Variants in DYSF observed in about 807,000 individuals in gnomAD.
The protein encoded by DYSF is dysferlin, also known as dystrophy-associated fer-1-like 1.
A neutral mutation model predicts 274.9 loss-of-function variants in DYSF; 212 were observed. The observed-to-expected ratio is 0.77, with a 90% CI of 0.69 to 0.86. The LOEUF (loss-of-function observed/expected upper bound fraction) is 0.86. Among genes scored for constraint, DYSF ranks in the 40% least tolerant of loss-of-function variants. The pLI, the probability that DYSF is intolerant of heterozygous loss-of-function variation, is 0.00. For missense variants in DYSF, 2,666 were observed against 2,783.2 expected (o/e 0.96, Z 0.95); for synonymous variants, 1,091 against 1,078.7 (o/e 1.01, Z -0.22).
chr2:71,517,635 A>C lies in DYSF; in HGVS notation c.1002+596A>C, dbSNP rs570901158. On this transcript the variant is annotated intron_variant, in intron 10 of 55. Coordinates refer to ENST00000410020, the MANE Select transcript of DYSF (RefSeq NM_001130987.2). ...TATTTTTATGACAGGAAGTAGTTTT[A>C]CAACTTGGAGCAAGGTGCGCACGGG... Among the ~76,000 whole-genome samples, 228 of 152,278 alleles carry C rather than the reference A, an allele frequency of 1.5e-3. 1 individual carries two copies. Among genetic ancestry groups the C allele is most frequent in the African/African-American group, 5.1e-3 (214 of 41,554 alleles).
chr2:71,640,474 A>G (rs1447627271), intron 41 of DYSF, among the ~76,000 whole-genome samples: 2 of 152,164 alleles, frequency 1.3e-5, no homozygotes, highest in Non-Finnish European at 2.9e-5. Flanking sequence ...CTTTGTTGCA[A>G]AGACTCAACT....
At chr2:71,506,616 C>A (rs1267102353) in intron 4 of DYSF, among the ~76,000 whole-genome samples, 1 of 151,992 alleles carries the variant, frequency 6.6e-6, no homozygotes, top group African/African-American at 2.4e-5. Context: ...TCACATATAT[C>A]CCCCAGGAAG....
chr2:71,586,186 T>C lies in DYSF; in HGVS notation c.3403-3407T>C, dbSNP rs544852206. Among the ~76,000 whole-genome samples, 198 of 151,996 alleles carry C rather than the reference T, an allele frequency of 1.3e-3. 6 individuals are homozygous for C. In the South Asian group the frequency reaches 0.035, roughly 27 times the overall value. ...CTGGGAGGGCCAGTGGACCAGAGGA[T>C]ATAAGGATGTTGGCCAGGCGTGTGG... On this transcript the variant is annotated intron_variant, in intron 30 of 55. Transcript: ENST00000410020.
At chr2:71,479,270 A>G (rs186945094) in intron 1 of DYSF, among the ~76,000 whole-genome samples, 2 of 151,856 alleles carry the variant, frequency 1.3e-5, no homozygotes, top group East Asian at 3.9e-4. Flanking sequence ...GCACTGCAGA[A>G]CAAAGCTTCA....
chr2:71,492,236 A>T (rs1401375754), intron 3 of DYSF, among the ~76,000 whole-genome samples: 1 of 152,210 alleles, frequency 6.6e-6, no homozygotes, highest in Admixed American at 6.5e-5. Context: ...ACTGGCCGGA[A>T]GGCTGCCAGA....
In DYSF at chr2:71,553,829, C is replaced by T; in HGVS notation, c.2007C>T (p.Pro669=). ...CAGGGTGCCACTACTACTACCTACC[C>T]TGGGGTAACGTGAAACCTGTGGTGG... The part of the protein sequence containing the change: ...VFDGCHYYYL[P]WGNVKPVVVL... The change falls in exon 21 of 56, where the codon CCC becomes CCT. Residue 669 remains proline (P), a synonymous_variant. Transcript: ENST00000410020. 1 of 1,613,146 alleles carries T rather than the reference C, an allele frequency of 6.2e-7. No homozygotes were observed.
chr2:71,617,364 C>T (rs2093907640), intron 40 of DYSF, among the ~76,000 whole-genome samples: 1 of 152,206 alleles, frequency 6.6e-6, no homozygotes, highest in Non-Finnish European at 1.5e-5. Flanking sequence ...CTCTTGGAGT[C>T]TCCTGGCCCT....
At chr2:71,488,421 G>A (rs1219187338) in intron 3 of DYSF, among the ~76,000 whole-genome samples, 3 of 152,162 alleles carry the variant, frequency 2.0e-5, no homozygotes. Context: ...AAAGCACCAT[G>A]GTCAAAATGA....
chr2:71,495,375 T>C (rs1178096401), intron 3 of DYSF, among the ~76,000 whole-genome samples: 1 of 152,230 alleles, frequency 6.6e-6, no homozygotes, highest in Non-Finnish European at 1.5e-5. Flanking sequence ...GTAGGATGAC[T>C]TGAGGGCTCT....
chr2:71,682,802 G>A, intron 55 of DYSF, 125 bp downstream of exon 55: 2 of 1,371,620 alleles, frequency 1.5e-6, no homozygotes, highest in Non-Finnish European at 1.0e-6. Flanking sequence ...AGAGCCCCTG[G>A]TCTGATGAGG....
At chr2:71,548,690 A>G (rs1037991325) in intron 17 of DYSF, among the ~76,000 whole-genome samples, 1 of 152,188 alleles carries the variant, frequency 6.6e-6, no homozygotes, top group Non-Finnish European at 1.5e-5. Context: ...CCAAGTGTGT[A>G]GCGTGTTCAG....
At chr2:71,602,932 G>A in intron 36 of DYSF, 127 bp downstream of exon 36, 1 of 1,169,244 alleles carries the variant, frequency 8.6e-7, no homozygotes, top group Non-Finnish European at 1.2e-6. Flanking sequence ...ATGGAGACCT[G>A]TCTGGATTTT....
In DYSF at chr2:71,513,314, A is replaced by C; in HGVS notation, c.535A>C (p.Lys179Gln). 6.4e-7 allele frequency: 1 copy of C among 1,551,590 alleles called. No homozygotes were observed. The highest frequency in any genetic ancestry group is 1.4e-5 in the African/African-American group (1 of 73,140). The change falls in exon 6 of 56, where the codon AAG (lysine) becomes CAG (glutamine). Residue 179 changes from lysine (K) to glutamine (Q), a missense_variant. By Grantham distance (53) the Lys-to-Gln change is moderately conservative. Transcript: ENST00000410020. ...STMDTRYSGK[K>Q]WPAPTDTGGE... is the part of the protein sequence containing the mutation. ...CATGGACACGAGATACTCTGGAAAG[A>C]AGTGGCCGGCCCCCACGGGTGAGAC...
At chr2:71,619,030 G>A (rs1182049065) in intron 40 of DYSF, among the ~76,000 whole-genome samples, 1 of 152,042 alleles carries the variant, frequency 6.6e-6, no homozygotes, top group Non-Finnish European at 1.5e-5. Context: ...AATTATGCCC[G>A]AGTCCCAAAG....
At chr2:71,616,795 G>T (rs150695105) in intron 40 of DYSF, among the ~76,000 whole-genome samples, 12 of 152,246 alleles carry the variant, frequency 7.9e-5, no homozygotes, top group Non-Finnish European at 1.6e-4. Context: ...TGAATGCACT[G>T]CACCCAACAT....
chr2:71,532,838 A>ATCTG (rs1553535207), intron 14 of DYSF, among the ~76,000 whole-genome samples: 3 of 130,768 alleles, frequency 2.3e-5, no homozygotes, highest in African/African-American at 5.2e-5. Flanking sequence ...TATTCTATCT[A>ATCTG]TCTATCTATC....
At chr2:71,641,251 T>C (rs558557466) in intron 41 of DYSF, among the ~76,000 whole-genome samples, 1 of 145,926 alleles carries the variant, frequency 6.9e-6, no homozygotes, top group South Asian at 2.2e-4. Flanking sequence ...CAATCTCGGC[T>C]CACTGCAAGC....
intron 36 of DYSF, among the ~76,000 whole-genome samples, chr2:71,603,719 G>C (rs1049476950): frequency 6.6e-6 from 1 of 152,198 alleles, no homozygotes; most frequent in Admixed American, 6.5e-5. Context: ...AGTTGCAAAA[G>C]ACTGCCGATT....
intron 1 of DYSF, among the ~76,000 whole-genome samples, chr2:71,458,738 A>G (rs1459335135): frequency 6.6e-6 from 1 of 152,056 alleles, no homozygotes; most frequent in East Asian, 1.9e-4. Context: ...GTTCACATCT[A>G]CTGTGGATGT....
Sources: gnomAD v4.1 joint callset for allele counts (sites outside exome capture counted in the v4.1 genomes callset) on GRCh38, gnomAD v4.1.1 for gene constraint, MANE v1.5 for transcripts, NCBI Gene and HGNC (gene_info 2026-07-23, HGNC 2026-07-21) for gene names.